SUCO: variants seen among roughly 807,000 people sequenced by gnomAD.
SUCO encodes the protein SUN domain-containing ossification factor.
Under a neutral mutation model 148.1 loss-of-function variants are expected in SUCO, and 57 were observed. That is an observed-to-expected ratio of 0.38 (90% CI 0.31 to 0.48). The LOEUF is 0.48. SUCO is among the 20% of genes least tolerant of loss of function. The pLI is 0.96. For synonymous variants in SUCO, 470 were observed against 502.7 expected, an observed-to-expected ratio of 0.93 and a Z score of 0.87; for missense variants, 1,331 against 1,468.2, an observed-to-expected ratio of 0.91 and a Z score of 1.53.
rs1007107236 is a variant in SUCO, at chr1:172,600,292, C to G, written c.3018+124C>G. On this transcript the variant is annotated intron_variant, in intron 20 of 23. Transcript: ENST00000263688. Reference sequence around the variant, plus strand: ...AAACAAAATTGTCATTTGTAGTGAACTTTTTCAAAAACCAGAATATGGCAT... The same window carrying G: ...AAACAAAATTGTCATTTGTAGTGAAGTTTTTCAAAAACCAGAATATGGCAT... 45 of 688,716 alleles carry G rather than the reference C, an allele frequency of 6.5e-5. No homozygotes were observed. In the Middle Eastern group the frequency reaches 1.2e-3, roughly 18 times the overall value. 42.7% of individuals were successfully genotyped at this position (688,716 alleles called of 1,614,324 possible). A position where few individuals can be genotyped will look rare whatever the true frequency, so the allele number is the denominator to read the frequency against.
intron 22 of SUCO, among the ~76,000 whole-genome samples, chr1:172,606,285 T>A (rs6669383): frequency 7.8e-5 from 2 of 25,632 alleles, no homozygotes; most frequent in East Asian, 1.1e-3. Flanking sequence ...TTTAATTTTT[T>A]TTTTTTTTCC....
At chr1:172,539,247 T>G (rs1026811669) in intron 1 of SUCO, among the ~76,000 whole-genome samples, 10 of 152,230 alleles carry the variant, frequency 6.6e-5, no homozygotes, top group South Asian at 6.2e-4. Context: ...TAGAAACACC[T>G]GTATGTACGT....
At chr1:172,561,959 G>C (rs1282482678) in intron 6 of SUCO, among the ~76,000 whole-genome samples, 1 of 152,194 alleles carries the variant, frequency 6.6e-6, no homozygotes, top group Non-Finnish European at 1.5e-5. Context: ...CTGAACAGAT[G>C]CTCCCTTCCT....
At chr1:172,542,871 T>G in intron 1 of SUCO, 1 of 985,384 alleles carries the variant, frequency 1.0e-6, no homozygotes, top group Non-Finnish European at 1.2e-6. Flanking sequence ...TGGTCAACAA[T>G]ATAAAATGTC....
rs536199916 is a variant in SUCO, at chr1:172,587,796, CATA to C, written c.1659-961_1659-959del. ...CAGAATGGGAAAATGTGTGTTTGAG[CATA>C]ATTATTTTTGGTATTGAAATTACCA... On this transcript the variant is annotated intron_variant, in intron 17 of 23. Transcript: ENST00000263688. Among the ~76,000 whole-genome samples the C allele has an allele frequency of 7.0e-4, 106 of 152,134 alleles. 1 individual carries two copies. In the South Asian group the frequency reaches 0.021, roughly 30 times the overall value.
intron 15 of SUCO, among the ~76,000 whole-genome samples, chr1:172,582,163 C>T (rs187774410): frequency 7.2e-5 from 11 of 152,194 alleles, no homozygotes; most frequent in Admixed American, 7.2e-4. Flanking sequence ...TAAAATCACC[C>T]TATCTGCTAA....
chr1:172,589,806 G>C lies in SUCO; in HGVS notation c.2705G>C (p.Gly902Ala). Residue 902 changes from glycine to alanine, a missense_variant, in exon 18 of 24, where the codon GGA becomes GCA. Coordinates refer to ENST00000263688, the MANE Select transcript of SUCO (RefSeq NM_014283.5). ...QNSTDLGYAN[G>A]NLVHGSNQKE... ...TCTACAGATCTAGGATATGCTAATG[G>C]AAATCTTGTACATGGATCAAACCAA... 1 of 1,611,674 alleles carries C rather than the reference G, an allele frequency of 6.2e-7. No homozygotes were observed. Among genetic ancestry groups the C allele is most frequent in the South Asian group, 1.1e-5 (1 of 90,852 alleles).
At chr1:172,552,452 G>A (rs1653375306) in intron 2 of SUCO, 1 of 154,796 alleles carries the variant, frequency 6.5e-6, no homozygotes, top group Admixed American at 6.6e-5. Flanking sequence ...TTATTTATCA[G>A]TTGTTCTTTA....
At chr1:172,581,100 AAAAAC>A (rs971007642) in intron 15 of SUCO, among the ~76,000 whole-genome samples, 19 of 152,302 alleles carry the variant, frequency 1.2e-4, no homozygotes, top group African/African-American at 2.2e-4. Flanking sequence ...ACTCTGTCTC[AAAAAC>A]AAAACAAAAC....
At chr1:172,557,463 A>T in intron 5 of SUCO, 46 bp downstream of exon 5, 1 of 1,608,696 alleles carries the variant, frequency 6.2e-7, no homozygotes, top group African/African-American at 1.3e-5. Flanking sequence ...CTGTAATAAC[A>T]GCAGTGTCCT....
intron 22 of SUCO, chr1:172,603,232 C>T (rs1466381570): frequency 6.4e-6 from 1 of 156,084 alleles, no homozygotes; most frequent in African/African-American, 2.4e-5. Context: ...AGCTCCAGAA[C>T]CTATAATTAG....
At chr1:172,560,189 G>A (rs61692965) in intron 6 of SUCO, among the ~76,000 whole-genome samples, 7,522 of 152,216 alleles carry the variant, frequency 0.049, 570 homozygotes, top group African/African-American at 0.17. Context: ...GAGGTTAAAC[G>A]AGCAAGGACC....
chr1:172,553,255 T>C lies in SUCO; in HGVS notation c.178-5T>C, dbSNP rs754649444. ...CAGGTGATTTTTGTTGTTGTTGTTA[T>C]ATAGGATGAAAGAGAGGGACCTATC... On this transcript the variant is annotated splice_polypyrimidine_tract_variant and splice_region_variant and intron_variant, in intron 2 of 23. Coordinates refer to ENST00000263688, the MANE Select transcript of SUCO (RefSeq NM_014283.5). 6 of 1,571,666 alleles carry C rather than the reference T, an allele frequency of 3.8e-6. No individual in the cohort carries two copies. Among genetic ancestry groups the C allele is most frequent in the Non-Finnish European group, 4.3e-6 (5 of 1,154,930 alleles).
chr1:172,609,382 T>G (rs1658066917), intron 23 of SUCO: 14 of 972,186 alleles, frequency 1.4e-5, no homozygotes, highest in Non-Finnish European at 1.7e-5. Flanking sequence ...AGCCTAAGAT[T>G]CATTCTCAAC....
chr1:172,593,699 G>A (rs540191009), intron 19 of SUCO, among the ~76,000 whole-genome samples: 8 of 152,138 alleles, frequency 5.3e-5, no homozygotes, highest in Non-Finnish European at 8.8e-5. Context: ...GAGGATTTTT[G>A]CATCAATGTT....
In SUCO at chr1:172,588,829, C is replaced by A. The variant is rs1378609488; in HGVS notation, c.1728C>A (p.Pro576=). The change falls in exon 18 of 24, where the codon CCC becomes CCA. Residue 576 remains proline (P), a synonymous_variant. Coordinates refer to ENST00000263688, the MANE Select transcript of SUCO (RefSeq NM_014283.5). ...CACCAGATACTCCAAAAGAGAGTCC[C>A]ATTGTACAGTTAGTTCAAGAGGAGG... The part of the protein sequence containing the change: ...PSTPDTPKES[P]IVQLVQEEEE... 3 of 1,609,534 alleles carry A rather than the reference C, an allele frequency of 1.9e-6. No homozygotes were observed. The East Asian group carries it at 6.7e-5, about 36-fold the overall frequency.
intron 1 of SUCO, among the ~76,000 whole-genome samples, chr1:172,546,834 G>T (rs149457757): frequency 6.6e-6 from 1 of 152,292 alleles, no homozygotes; most frequent in African/African-American, 2.4e-5. Context: ...ACTTGAGCCC[G>T]GGAAGGGGGA....
upstream of SUCO, chr1:172,533,038 G>C: frequency 7.0e-7 from 1 of 1,434,090 alleles, no homozygotes; most frequent in Non-Finnish European, 9.1e-7. Context: ...TTCCAGCTCA[G>C]CGGTGTGTGA....
chr1:172,567,840 A>T (rs572301193), intron 6 of SUCO, among the ~76,000 whole-genome samples: 8 of 152,338 alleles, frequency 5.3e-5, no homozygotes, highest in African/African-American at 1.9e-4. Context: ...GCCACAGACT[A>T]TCACACTTTA....
Sources: gnomAD v4.1 joint callset for allele counts (sites outside exome capture counted in the v4.1 genomes callset) on GRCh38, gnomAD v4.1.1 for gene constraint, MANE v1.5 for transcripts, NCBI Gene and HGNC (gene_info 2026-07-23, HGNC 2026-07-21) for gene names.